Variants in BCAS3 observed in about 807,000 individuals in gnomAD.
BCAS3 encodes BCAS3 microtubule associated cell migration factor.
In BCAS3, 53 loss-of-function variants were observed where a neutral mutation model predicts 116.1. The ratio of observed to expected loss-of-function variants is 0.46; its 90% confidence interval spans 0.37 to 0.57. The LOEUF (loss-of-function observed/expected upper bound fraction) is 0.57. BCAS3 is among the 20% of genes least tolerant of loss of function. BCAS3 has a pLI of 0.00. For synonymous variants in BCAS3, 391 were observed against 408.2 expected, an observed-to-expected ratio of 0.96 and a Z score of 0.51; for missense variants, 917 against 1,165.4, an observed-to-expected ratio of 0.79 and a Z score of 3.10.
rs1020315848 is a variant in BCAS3 at position 61,151,614 on chromosome 17, C to T, written c.2425+67050C>T. On this transcript the variant is annotated intron_variant, in intron 22 of 23. Transcript: ENST00000407086. The surrounding 1 kb of genome is among the most constrained non-coding windows in gnomAD (Gnocchi z 4.8). ...CCCATGTAGCTGATACTGACTAGCA[C>T]GCCCAGCAAATTTTTAAATTTTTGG... Among the ~76,000 whole-genome samples, 8 of 152,054 alleles carry T rather than the reference C, an allele frequency of 5.3e-5. No homozygotes were observed. Among genetic ancestry groups the T allele is most frequent in the South Asian group, 2.1e-4 (1 of 4,826 alleles).
intron 14 of BCAS3, among the ~76,000 whole-genome samples, chr17:60,985,768 G>A (rs141580774): frequency 6.6e-5 from 10 of 151,998 alleles, no homozygotes; most frequent in East Asian, 1.9e-4. Context: ...ATGGAGTTTC[G>A]CTCTGTCGCC....
Position 60,679,500 on chromosome 17 carries a change from CGTT to C in BCAS3, c.46_48del (p.Cys16del), listed in dbSNP as rs766607946. 6.2e-7 allele frequency: 1 copy of C among 1,613,984 alleles called. No homozygotes were observed. Among genetic ancestry groups the C allele is most frequent in the Non-Finnish European group, 8.5e-7 (1 of 1,179,950 alleles). ...TACAGATTCCCCAAGAAGACCCAGT[CGTT>C]GTACTGGTGGAGTTGTGGTTCGCCC... On this transcript the variant is annotated inframe_deletion, in exon 2 of 24. Transcript: ENST00000407086.
At chr17:60,872,675 TACAC>T (rs1156279719) in intron 8 of BCAS3, among the ~76,000 whole-genome samples, 2 of 150,444 alleles carry the variant, frequency 1.3e-5, no homozygotes, top group Non-Finnish European at 1.5e-5. Context: ...TATACACACA[TACAC>T]ACACATACAC....
chr17:60,801,667 A>C lies in BCAS3; in HGVS notation c.404-6337A>C, dbSNP rs191765526. Among the ~76,000 whole-genome samples, 245 of 152,282 alleles carry C rather than the reference A, an allele frequency of 1.6e-3. 1 individual carries two copies. Among genetic ancestry groups the C allele is most frequent in the African/African-American group, 5.6e-3 (233 of 41,562 alleles). ...CCTGGAGCAACCACTTGAATTCCCGATCCTATAACAATCTGTTTCTTCTCT... is the reference window on the plus strand; with the variant it reads ...CCTGGAGCAACCACTTGAATTCCCGCTCCTATAACAATCTGTTTCTTCTCT... On this transcript the variant is annotated intron_variant, in intron 6 of 23. Coordinates refer to ENST00000407086, the MANE Select transcript of BCAS3 (RefSeq NM_017679.5).
intron 7 of BCAS3, among the ~76,000 whole-genome samples, chr17:60,827,245 C>T (rs185832693): frequency 2.1e-4 from 32 of 152,318 alleles, no homozygotes; most frequent in Non-Finnish European, 1.3e-4. Context: ...GTATTGATTA[C>T]ATCCTGATAC....
chr17:61,358,897 G>A (rs778036718), intron 22 of BCAS3, among the ~76,000 whole-genome samples: 1 of 152,112 alleles, frequency 6.6e-6, no homozygotes, highest in Non-Finnish European at 1.5e-5. Flanking sequence ...CGCGTGTTGA[G>A]TATAACTCTG....
chr17:60,730,258 T>C (rs1282495044), intron 5 of BCAS3, among the ~76,000 whole-genome samples: 1 of 152,208 alleles, frequency 6.6e-6, no homozygotes, highest in Non-Finnish European at 1.5e-5. Context: ...TCTGGAAGTA[T>C]GAAAATATGA....
At chr17:60,977,490 T>TA (rs1360710662) in intron 14 of BCAS3, among the ~76,000 whole-genome samples, 13 of 150,294 alleles carry the variant, frequency 8.6e-5, no homozygotes, top group African/African-American at 1.2e-4. Flanking sequence ...AGCACTTTCT[T>TA]TTTATTATTA....
rs1254737769 is a variant in BCAS3, at chr17:61,044,463, A to ATAT, written c.2029+3571_2029+3572insTAT. ...CTCTGTCTCAAAAAAAAAAAAAAAAAAAATATATATATATATGCCATAAGA... is the reference window on the plus strand; with the variant it reads ...CTCTGTCTCAAAAAAAAAAAAAAAAATATAAATATATATATATATGCCATAAGA... On this transcript the variant is annotated intron_variant, in intron 19 of 23. Coordinates refer to ENST00000407086, the MANE Select transcript of BCAS3 (RefSeq NM_017679.5). Among the ~76,000 whole-genome samples, 139 of 125,472 alleles carry ATAT rather than the reference A, an allele frequency of 1.1e-3. 2 individuals carry two copies. The highest frequency in any genetic ancestry group is 6.1e-3 in the African/African-American group (124 of 20,304). 82.3% of individuals were successfully genotyped at this position (125,472 alleles called of 152,430 possible).
intron 3 of BCAS3, among the ~76,000 whole-genome samples, chr17:60,688,548 T>C (rs1183067883): frequency 6.6e-6 from 1 of 152,032 alleles, no homozygotes; most frequent in African/African-American, 2.4e-5. Context: ...GCATGGTGGC[T>C]CACCTGTGTA....
At position 60,995,355 on chromosome 17, in the gene BCAS3, G is replaced by T. The variant is rs906771431; in HGVS notation, c.1486+5120G>T. On this transcript the variant is annotated intron_variant, in intron 15 of 23. Transcript: ENST00000407086. The surrounding 1 kb of genome is among the most constrained non-coding windows in gnomAD (Gnocchi z 4.7). ...TTTAGTGGAGACAAGGTTTCACTCT[G>T]TTGGCCAGGCTGGTCTTGAACTCCT... Among the ~76,000 whole-genome samples, 14 of 152,152 alleles carry T rather than the reference G, an allele frequency of 9.2e-5. No homozygotes were observed. The highest frequency in any genetic ancestry group is 1.9e-4 in the Non-Finnish European group (13 of 68,020).
intron 22 of BCAS3, among the ~76,000 whole-genome samples, chr17:61,260,563 G>A (rs1454631144): frequency 6.6e-6 from 1 of 152,176 alleles, no homozygotes; most frequent in Non-Finnish European, 1.5e-5. Flanking sequence ...AGAGCTTCAA[G>A]GAACTCTGTA....
chr17:60,959,558 G>C (rs2061315467), intron 14 of BCAS3, among the ~76,000 whole-genome samples: 1 of 152,114 alleles, frequency 6.6e-6, no homozygotes, highest in South Asian at 2.1e-4. Flanking sequence ...TGTTGGTACA[G>C]CTTCTCTGGG....
rs1254730285 is a variant in BCAS3 at position 61,229,205 on chromosome 17, C to T, written c.2426-139122C>T. On this transcript the variant is annotated intron_variant, in intron 22 of 23. Transcript: ENST00000407086. This position sits in a 1 kb window ranked among gnomAD's most constrained non-coding sequence, Gnocchi z 4.4. ...CCACCACATTCCTTTAAGCCAAAGC[C>T]TAATCCAGAGCAAGGCCCTACCTCT... Among the ~76,000 whole-genome samples, 1 of 152,194 alleles carries T rather than the reference C, an allele frequency of 6.6e-6. No homozygotes were observed. Among genetic ancestry groups the T allele is most frequent in the African/African-American group, 2.4e-5 (1 of 41,444 alleles).
In BCAS3 at chr17:61,219,111, TATGAA is replaced by T. The variant is rs1261365871; in HGVS notation, c.2425+134553_2425+134557del. Among the ~76,000 whole-genome samples the T allele has an allele frequency of 6.6e-6, 1 of 152,162 alleles. No homozygotes were observed. The highest frequency in any genetic ancestry group is 2.4e-5 in the African/African-American group (1 of 41,436). ...CCGTAACTAATATTTTTATAGGAAA[TATGAA>T]ATGAAGTAAAGTCCAAAAGCAAACA... On this transcript the variant is annotated intron_variant, in intron 22 of 23. Transcript: ENST00000407086. The surrounding 1 kb of genome is among the most constrained non-coding windows in gnomAD (Gnocchi z 5.2).
intron 6 of BCAS3, among the ~76,000 whole-genome samples, chr17:60,805,557 G>T (rs953979972): frequency 5.3e-5 from 8 of 152,168 alleles, no homozygotes; most frequent in Non-Finnish European, 8.8e-5. Context: ...GCTGGGCGCG[G>T]TGGCTCACGC....
intron 22 of BCAS3, among the ~76,000 whole-genome samples, chr17:61,102,068 T>C (rs2074362501): frequency 6.6e-6 from 1 of 152,086 alleles, no homozygotes; most frequent in African/African-American, 2.4e-5. Flanking sequence ...AAATAAGGAA[T>C]TACTAAGGAA....
intron 6 of BCAS3, among the ~76,000 whole-genome samples, chr17:60,768,536 C>A (rs1598579263): frequency 6.6e-6 from 1 of 152,188 alleles, no homozygotes; most frequent in African/African-American, 2.4e-5. Flanking sequence ...TTTCTTCTCA[C>A]CTTGCAGACA....
chr17:60,762,210 C>G, intron 6 of BCAS3, among the ~76,000 whole-genome samples: 1 of 152,108 alleles, frequency 6.6e-6, no homozygotes, highest in East Asian at 1.9e-4. Flanking sequence ...TTAATTAGGT[C>G]CCATTAGTCA....
Sources: gnomAD v4.1 joint callset for allele counts (sites outside exome capture counted in the v4.1 genomes callset) on GRCh38, gnomAD v4.1.1 for gene constraint, Gnocchi (gnomAD v3.1) non-coding constraint, MANE v1.5 for transcripts, NCBI Gene and HGNC (gene_info 2026-07-23, HGNC 2026-07-21) for gene names.